DPP6: variants seen among roughly 807,000 people sequenced by gnomAD.
The protein encoded by DPP6 is dipeptidyl peptidase like 6.
A neutral mutation model predicts 122.6 loss-of-function variants in DPP6; 69 were observed. The ratio of observed to expected loss-of-function variants is 0.56; its 90% confidence interval spans 0.46 to 0.69. The LOEUF (loss-of-function observed/expected upper bound fraction) is 0.69, where lower values mean the gene tolerates loss of function less well. Among genes scored for constraint, DPP6 ranks in the 30% least tolerant of loss-of-function variants. The pLI is 0.00. For missense variants in DPP6, 928 were observed against 1,116.9 expected (o/e 0.83, Z 2.41); for synonymous variants, 418 against 433.1 (o/e 0.97, Z 0.43).
At chr7:154,688,829 A>G (rs1839777191) in intron 7 of DPP6, among the ~76,000 whole-genome samples, 1 of 152,200 alleles carries the variant, frequency 6.6e-6, no homozygotes, top group African/African-American at 2.4e-5. Context: ...GGCAACACCC[A>G]CACAGACACA....
At chr7:153,818,190 A>C in the DPP6 span, among the ~76,000 whole-genome samples, 1 of 151,592 alleles carries the variant, frequency 6.6e-6, no homozygotes, top group Non-Finnish European at 1.5e-5. Flanking sequence ...GTAACCAAGA[A>C]AGTGCATATT....
At chr7:154,339,752 C>G (rs147298957) in intron 1 of DPP6, among the ~76,000 whole-genome samples, 154 of 152,184 alleles carry the variant, frequency 1.0e-3, no homozygotes, top group African/African-American at 3.6e-3. Context: ...GCACTTGTTA[C>G]AAGTGCTCTG....
At chr7:154,211,401 C>T (rs1402793102) in intron 1 of DPP6, among the ~76,000 whole-genome samples, 1 of 152,142 alleles carries the variant, frequency 6.6e-6, no homozygotes, top group Non-Finnish European at 1.5e-5. Flanking sequence ...GTTTTTCCAG[C>T]GAGCACCCCT....
chr7:154,313,685 G>GTGTATATATATA, intron 1 of DPP6, among the ~76,000 whole-genome samples: 17 of 20,454 alleles, frequency 8.3e-4, no homozygotes, highest in South Asian at 3.2e-3. Context: ...TTAAGATATG[G>GTGTATATATATA]TATATATATA....
chr7:153,967,697 G>A (rs1437010005), intron 1 of DPP6, among the ~76,000 whole-genome samples: 2 of 152,060 alleles, frequency 1.3e-5, no homozygotes, highest in Admixed American at 1.3e-4. Flanking sequence ...TGTTGGTGGT[G>A]CTTCATGGAA....
intron 1 of DPP6, among the ~76,000 whole-genome samples, chr7:153,954,946 T>A (rs1279526242): frequency 1.3e-5 from 2 of 152,106 alleles, no homozygotes; most frequent in African/African-American, 2.4e-5. Flanking sequence ...CAATCCTTAC[T>A]ATCGGGAAGG....
At chr7:154,479,479 A>ACCTGGGAGGTGCAGGTGG (rs1410922558) in intron 3 of DPP6, among the ~76,000 whole-genome samples, 9 of 148,456 alleles carry the variant, frequency 6.1e-5, no homozygotes, top group Middle Eastern at 7.4e-3. Flanking sequence ...AATCACTCAA[A>ACCTGGGAGGTGCAGGTGG]CCTGGGAGGT....
intron 1 of DPP6, among the ~76,000 whole-genome samples, chr7:154,127,361 A>G (rs1807962788): frequency 1.3e-5 from 2 of 152,148 alleles, no homozygotes; most frequent in Non-Finnish European, 2.9e-5. Context: ...GATAAGAGGC[A>G]TTTTAGGTAT....
intron 1 of DPP6, among the ~76,000 whole-genome samples, chr7:154,175,789 G>A (rs140563305): frequency 0.013 from 1,957 of 145,356 alleles, 19 homozygotes; most frequent in South Asian, 0.046. Context: ...GCACGATCTC[G>A]GCTCACTACA....
the DPP6 span, among the ~76,000 whole-genome samples, chr7:153,784,337 C>T: frequency 9.2e-5 from 14 of 151,840 alleles, no homozygotes; most frequent in East Asian, 5.8e-4. Context: ...TTCTTGAATT[C>T]GGAATCACAT....
intron 1 of DPP6, among the ~76,000 whole-genome samples, chr7:154,113,484 T>C (rs1345896381): frequency 1.3e-5 from 2 of 152,180 alleles, no homozygotes; most frequent in South Asian, 2.1e-4. Flanking sequence ...GCAACCCTCA[T>C]AGGTGTGAGG....
intron 1 of DPP6, among the ~76,000 whole-genome samples, chr7:154,098,943 C>G (rs1391339103): frequency 1.3e-5 from 2 of 152,210 alleles, no homozygotes; most frequent in Non-Finnish European, 2.9e-5. Flanking sequence ...GTAAATCATG[C>G]CAATCTGCTC....
chr7:154,104,088 T>C (rs1805959981), intron 1 of DPP6, among the ~76,000 whole-genome samples: 1 of 152,252 alleles, frequency 6.6e-6, no homozygotes, highest in Non-Finnish European at 1.5e-5. Flanking sequence ...TGGAGATTCC[T>C]GACCAATACG....
chr7:154,678,155 A>T (rs1009841331), intron 7 of DPP6, among the ~76,000 whole-genome samples: 4 of 152,312 alleles, frequency 2.6e-5, no homozygotes, highest in Middle Eastern at 6.8e-3. Context: ...AAAACGGACC[A>T]ATCAGCACTC....
intron 6 of DPP6, among the ~76,000 whole-genome samples, chr7:154,662,593 G>T (rs1262024972): frequency 1.1e-5 from 1 of 93,764 alleles, no homozygotes; most frequent in Non-Finnish European, 2.1e-5. Flanking sequence ...TCACCATGGC[G>T]TATCGGCCGT....
chr7:154,234,711 C>T (rs1801104451), intron 1 of DPP6, among the ~76,000 whole-genome samples: 1 of 152,150 alleles, frequency 6.6e-6, no homozygotes, highest in Non-Finnish European at 1.5e-5. Context: ...TGAGTTTTCT[C>T]ATTTATGAAA....
chr7:154,778,852 C>T (rs1015923986), intron 10 of DPP6, among the ~76,000 whole-genome samples: 38 of 150,654 alleles, frequency 2.5e-4, no homozygotes, highest in Admixed American at 1.3e-3. Context: ...TCCACCACCA[C>T]CACCTCCACA....
chr7:154,026,567 T>G (rs1455232791), intron 1 of DPP6: 1 of 152,174 alleles, frequency 6.6e-6, no homozygotes, highest in East Asian at 1.9e-4. Flanking sequence ...TAAGCTGGAA[T>G]GAAGGTCTGT....
the DPP6 span, among the ~76,000 whole-genome samples, chr7:153,816,049 GA>G: frequency 0.035 from 5,322 of 151,502 alleles, 73 homozygotes; most frequent in South Asian, 0.11. Flanking sequence ...TAGAAAAATA[GA>G]AAAAAGAAAA....
Sources: allele counts gnomAD v4.1 joint callset (sites outside exome capture counted in the v4.1 genomes callset), GRCh38; gene constraint gnomAD v4.1.1; transcripts MANE v1.5; gene names NCBI Gene and HGNC (gene_info 2026-07-23, HGNC 2026-07-21).